The following PCDH15 variants were observed in gnomAD, a reference collection of about 807,000 sequenced individuals.
PCDH15 encodes the protein protocadherin related 15.
A neutral mutation model predicts 178.5 loss-of-function variants in PCDH15; 129 were observed. That is an observed-to-expected ratio of 0.72 (90% CI 0.63 to 0.84). PCDH15 has a LOEUF of 0.84. Ranked by LOEUF, PCDH15 falls within the 40% of genes least tolerant of loss-of-function variation. The pLI is 0.00. For synonymous variants in PCDH15, 800 were observed against 732.0 expected (o/e 1.09, Z -1.50); for missense variants, 2,230 against 2,099.9 (o/e 1.06, Z -1.21).
chr10:54,167,844 G>A (rs61858438), intron 13 of PCDH15, among the ~76,000 whole-genome samples: 44,579 of 117,928 alleles, frequency 0.38, 9,126 homozygotes, highest in Non-Finnish European at 0.48. Flanking sequence ...CCTTATTTCC[G>A]TGCCCCGACC....
chr10:54,084,342 G>A (rs998751099), intron 16 of PCDH15, among the ~76,000 whole-genome samples: 2 of 151,668 alleles, frequency 1.3e-5, no homozygotes, highest in African/African-American at 2.4e-5. Context: ...GTGTGGTGGT[G>A]GGTGCCTGTA....
At chr10:53,809,382 T>G in intron 37 of PCDH15, 1 of 1,614,038 alleles carries the variant, frequency 6.2e-7, no homozygotes, top group Non-Finnish European at 8.5e-7. Context: ...TTTTATCAGC[T>G]AATCCTCTAA....
At chr10:53,994,157 C>A (rs1324056084) in intron 21 of PCDH15, among the ~76,000 whole-genome samples, 1 of 152,110 alleles carries the variant, frequency 6.6e-6, no homozygotes, top group African/African-American at 2.4e-5. Flanking sequence ...TTGGTGGATG[C>A]GCTCTGAATG....
intron 28 of PCDH15, among the ~76,000 whole-genome samples, chr10:53,851,046 T>C (rs967737217): frequency 6.6e-6 from 1 of 152,148 alleles, no homozygotes; most frequent in Non-Finnish European, 1.5e-5. Flanking sequence ...GATATCTATA[T>C]TTTAATAAGC....
chr10:54,964,224 T>C (rs541204008), intron 2 of PCDH15, among the ~76,000 whole-genome samples: 12 of 152,304 alleles, frequency 7.9e-5, no homozygotes, highest in African/African-American at 2.6e-4. Context: ...GCTGAGTCAA[T>C]TTCTATGTTT....
intron 1 of PCDH15, among the ~76,000 whole-genome samples, chr10:55,272,386 A>C (rs1049259051): frequency 9.3e-5 from 14 of 149,902 alleles, no homozygotes; most frequent in African/African-American, 2.7e-4. Flanking sequence ...ATTTATATTT[A>C]TTTAATTTTA....
intron 20 of PCDH15, among the ~76,000 whole-genome samples, chr10:54,010,115 G>A (rs1236638250): frequency 6.6e-6 from 1 of 152,118 alleles, no homozygotes; most frequent in Non-Finnish European, 1.5e-5. Context: ...TCTCTGGGAC[G>A]GAGCTCCCAG....
rs1554795204 is a variant in PCDH15, at chr10:55,544,170, A to ATG, written c.-156+83454_-156+83455insCA. The stretch of plus-strand genomic sequence containing the variant: ...TATATATATATATATATATATATAT[A>ATG]TATATTATACTGACAGTATACATAT... On this transcript the variant is annotated intron_variant, in intron 2 of 5. Transcript: ENST00000613346. Among the ~76,000 whole-genome samples the ATG allele has an allele frequency of 9.0e-4, 124 of 137,830 alleles. 1 individual carries two copies. Among genetic ancestry groups the ATG allele is most frequent in the African/African-American group, 3.1e-3 (116 of 37,702 alleles). The allele number at this position is 137,830 out of a possible 152,430, so 90.4% of individuals were successfully genotyped here.
chr10:55,052,987 T>C lies in PCDH15; in HGVS notation c.-80+113589A>G, dbSNP rs143638445. On this transcript the variant is annotated intron_variant, in intron 2 of 5. Coordinates refer to the PCDH15 transcript ENST00000458638. The stretch of plus-strand genomic sequence containing the variant: ...TCAGGGAAGGACTGTCTATAAATGT[T>C]GACATTGTTTAAATGTAAGCAACCA... Among the ~76,000 whole-genome samples the C allele has an allele frequency of 1.4e-3, 218 of 152,226 alleles. 1 individual carries two copies. Among genetic ancestry groups the C allele is most frequent in the African/African-American group, 5.1e-3 (210 of 41,540 alleles).
chr10:54,860,106 T>G (rs1194715224), intron 3 of PCDH15, among the ~76,000 whole-genome samples: 1 of 152,090 alleles, frequency 6.6e-6, no homozygotes. Context: ...GGGGTGTGTT[T>G]AAAATTATTC....
intron 3 of PCDH15, among the ~76,000 whole-genome samples, chr10:54,855,221 G>A (rs1373015340): frequency 2.0e-5 from 3 of 152,206 alleles, no homozygotes; most frequent in Non-Finnish European, 2.9e-5. Flanking sequence ...CTCTAAAGGT[G>A]CAGGGATGCC....
chr10:54,380,660 TATATATATATGCTCC>T lies in PCDH15; in HGVS notation c.158-1733_158-1719del, dbSNP rs1949077777. On this transcript the variant is annotated intron_variant, in intron 3 of 37. Transcript: ENST00000644397. ...GTATGCATGTATATATATATATATA[TATATATATATGCTCC>T]ATATATATATGCTCCATATATATAT... 1.1e-4 allele frequency among the ~76,000 whole-genome samples: 7 copies of T among 63,898 alleles called. No homozygotes were observed. The East Asian group carries it at 1.3e-3, about 12-fold the overall frequency. The allele number at this position is 63,898 out of a possible 152,430, so 41.9% of individuals were successfully genotyped here.
At chr10:54,715,219 A>G (rs1031843412) in intron 1 of PCDH15, among the ~76,000 whole-genome samples, 1 of 152,174 alleles carries the variant, frequency 6.6e-6, no homozygotes, top group Admixed American at 6.5e-5. Flanking sequence ...AATTATTTGA[A>G]TAGAGTTTGA....
chr10:54,426,493 C>T (rs575567630), intron 3 of PCDH15, among the ~76,000 whole-genome samples: 1 of 152,154 alleles, frequency 6.6e-6, no homozygotes, highest in African/African-American at 2.4e-5. Context: ...ATCCACCTCT[C>T]CCATCCTGCT....
chr10:53,981,596 T>C (rs1208162862), intron 21 of PCDH15, among the ~76,000 whole-genome samples: 1 of 151,432 alleles, frequency 6.6e-6, no homozygotes, highest in African/African-American at 2.4e-5. Context: ...TAAATGGTGC[T>C]GGGAAAACTG....
chr10:54,335,667 T>A (rs1940944544), intron 6 of PCDH15, among the ~76,000 whole-genome samples: 2 of 152,170 alleles, frequency 1.3e-5, no homozygotes. Context: ...ACCAAGATTG[T>A]GAGGCCTCCC....
At chr10:54,931,688 G>A (rs898150438) in intron 2 of PCDH15, among the ~76,000 whole-genome samples, 10 of 152,144 alleles carry the variant, frequency 6.6e-5, no homozygotes. Context: ...CCTCATTTTG[G>A]TGATTGTACT....
intron 2 of PCDH15, among the ~76,000 whole-genome samples, chr10:55,542,354 G>T (rs1841782797): frequency 6.7e-6 from 1 of 150,316 alleles, no homozygotes; most frequent in African/African-American, 2.4e-5. Context: ...ATGTTAGTGT[G>T]TATATATAAA....
chr10:54,230,497 A>G (rs1159756613), intron 9 of PCDH15, among the ~76,000 whole-genome samples: 2 of 152,206 alleles, frequency 1.3e-5, no homozygotes, highest in Non-Finnish European at 2.9e-5. Flanking sequence ...TGTTGGGCCC[A>G]TGAACATTTT....
Sources: allele counts gnomAD v4.1 joint callset (sites outside exome capture counted in the v4.1 genomes callset), GRCh38; gene constraint gnomAD v4.1.1; transcripts MANE v1.5; gene names NCBI Gene and HGNC (gene_info 2026-07-23, HGNC 2026-07-21).